Variants in RSRC1 observed in about 807,000 individuals in gnomAD.
RSRC1 encodes arginine and serine rich coiled-coil 1.
Under a neutral mutation model 49.1 loss-of-function variants are expected in RSRC1, and 39 were observed. The ratio of observed to expected loss-of-function variants is 0.79; its 90% confidence interval spans 0.61 to 1.04. The LOEUF (loss-of-function observed/expected upper bound fraction) is 1.04. Among genes scored for constraint, RSRC1 ranks in the 50% least tolerant of loss-of-function variants. The pLI is 0.00. For missense variants in RSRC1, 388 were observed against 402.4 expected, an observed-to-expected ratio of 0.96 and a Z score of 0.31; for synonymous variants, 143 against 130.8, an observed-to-expected ratio of 1.09 and a Z score of -0.63.
At chr3:158,540,578 TAA>T (rs34332147) in intron 8 of RSRC1, among the ~76,000 whole-genome samples, 7,877 of 146,310 alleles carry the variant, frequency 0.054, 294 homozygotes, top group Middle Eastern at 0.085. Context: ...ACACATGCCT[TAA>T]AAAAAAAAAG....
At chr3:158,378,849 A>G (rs549808169) in intron 6 of RSRC1, among the ~76,000 whole-genome samples, 8 of 152,312 alleles carry the variant, frequency 5.3e-5, no homozygotes, top group African/African-American at 1.9e-4. Context: ...CCTCAAAAGC[A>G]GTGAGGTACC....
intron 3 of RSRC1, among the ~76,000 whole-genome samples, chr3:158,148,200 C>A (rs1717276391): frequency 6.6e-6 from 1 of 152,100 alleles, no homozygotes; most frequent in South Asian, 2.1e-4. Flanking sequence ...TATCTGTCCC[C>A]TTTGTAGCTC....
intron 6 of RSRC1, among the ~76,000 whole-genome samples, chr3:158,456,079 C>G (rs1004912134): frequency 6.7e-6 from 1 of 148,176 alleles, no homozygotes; most frequent in African/African-American, 2.5e-5. Flanking sequence ...GGAAACATTC[C>G]TTGAACACCT....
intron 6 of RSRC1, among the ~76,000 whole-genome samples, chr3:158,430,007 A>G (rs1735690141): frequency 6.6e-6 from 1 of 151,688 alleles, no homozygotes; most frequent in African/African-American, 2.4e-5. Context: ...TGTAGCTTTA[A>G]AATTTTAAGA....
intron 6 of RSRC1, among the ~76,000 whole-genome samples, chr3:158,431,849 C>A (rs1735784836): frequency 6.6e-6 from 1 of 151,808 alleles, no homozygotes. Context: ...TGAAATATAT[C>A]TTAGATGACC....
intron 6 of RSRC1, among the ~76,000 whole-genome samples, chr3:158,432,030 G>C (rs76806715): frequency 0.014 from 2,162 of 152,060 alleles, 26 homozygotes; most frequent in Non-Finnish European, 0.023. Flanking sequence ...AAGAGTGCTG[G>C]TGAGTTGGCT....
At chr3:158,292,886 G>A (rs1445378687) in intron 4 of RSRC1, among the ~76,000 whole-genome samples, 1 of 152,172 alleles carries the variant, frequency 6.6e-6, no homozygotes, top group Non-Finnish European at 1.5e-5. Flanking sequence ...ATCTGAGATT[G>A]AGAAAAGTTG....
At chr3:158,154,064 C>G (rs1012966788) in intron 3 of RSRC1, among the ~76,000 whole-genome samples, 1 of 152,244 alleles carries the variant, frequency 6.6e-6, no homozygotes, top group African/African-American at 2.4e-5. Flanking sequence ...GTATCCACAC[C>G]ACCACAAGAA....
chr3:158,163,273 T>C (rs564559197), intron 3 of RSRC1, among the ~76,000 whole-genome samples: 42 of 152,192 alleles, frequency 2.8e-4, no homozygotes, highest in African/African-American at 1.0e-3. Context: ...CCCAAAATGC[T>C]GGCATTACTG....
At chr3:158,249,297 C>G (rs1222081039) in intron 4 of RSRC1, among the ~76,000 whole-genome samples, 1 of 152,194 alleles carries the variant, frequency 6.6e-6, no homozygotes, top group African/African-American at 2.4e-5. Context: ...CTCTCCCTCC[C>G]TCAGGCACCC....
At chr3:158,495,092 G>A (rs1189830918) in intron 7 of RSRC1, among the ~76,000 whole-genome samples, 1 of 152,146 alleles carries the variant, frequency 6.6e-6, no homozygotes, top group Non-Finnish European at 1.5e-5. Context: ...GTGCCACAAT[G>A]TTAGGGTAGC....
In RSRC1 at chr3:158,503,742, C is replaced by CG. The variant is rs1327093383; in HGVS notation, c.653-33350_653-33349insG. ...CTGGTCTGACTCCCACCGTGCCCCC[C>CG]CAACAGCCCTGAGTCTGTTTCCAGG... On this transcript the variant is annotated intron_variant, in intron 7 of 9. Coordinates refer to ENST00000611884, the MANE Select transcript of RSRC1 (RefSeq NM_001271838.2). Among the ~76,000 whole-genome samples the CG allele has an allele frequency of 2.0e-5, 3 of 151,978 alleles. 1 individual carries two copies. Among genetic ancestry groups the CG allele is most frequent in the African/African-American group, 4.8e-5 (2 of 41,330 alleles).
intron 3 of RSRC1, among the ~76,000 whole-genome samples, chr3:158,158,517 C>T (rs888067359): frequency 3.9e-5 from 6 of 152,150 alleles, no homozygotes; most frequent in African/African-American, 1.4e-4. Context: ...ATTTTTTTCT[C>T]TCTTGGAGTA....
intron 8 of RSRC1, 45 bp from the exon 9 acceptor site, chr3:158,543,290 C>CT (rs1713141000): frequency 2.1e-6 from 3 of 1,415,082 alleles, no homozygotes; most frequent in African/African-American, 2.9e-5. Context: ...AAGTAAAACT[C>CT]TAATTGTGTA....
At chr3:158,130,952 A>G (rs888491635) in intron 3 of RSRC1, among the ~76,000 whole-genome samples, 3 of 152,126 alleles carry the variant, frequency 2.0e-5, no homozygotes, top group Non-Finnish European at 4.4e-5. Context: ...TGAGTTTTAC[A>G]TCTTTTTAGA....
chr3:158,517,619 G>T (rs962128409), intron 7 of RSRC1, among the ~76,000 whole-genome samples: 6 of 149,978 alleles, frequency 4.0e-5, no homozygotes, highest in African/African-American at 1.5e-4. Flanking sequence ...TAGAGACAGG[G>T]TCTTGCTGTG....
At chr3:158,302,559 C>CT (rs567353016) in intron 5 of RSRC1, 43,720 of 108,156 alleles carry the variant, frequency 0.4, 9,020 homozygotes, top group East Asian at 0.65. Context: ...TTGCTCCTGA[C>CT]TTTTTTTTTT....
At chr3:158,354,998 AC>A in intron 6 of RSRC1, 90 bp downstream of exon 6, 2 of 707,056 alleles carry the variant, frequency 2.8e-6, no homozygotes, top group Non-Finnish European at 4.4e-6. Context: ...AAAAAAAAAA[AC>A]ACTATTTTTA....
chr3:158,294,247 C>G (rs1306760840), intron 4 of RSRC1, among the ~76,000 whole-genome samples: 2 of 151,936 alleles, frequency 1.3e-5, no homozygotes, highest in African/African-American at 2.4e-5. Flanking sequence ...GTTCTTCTAC[C>G]CAGTTTTCCA....
Sources: allele counts gnomAD v4.1 joint callset (sites outside exome capture counted in the v4.1 genomes callset), GRCh38; gene constraint gnomAD v4.1.1; transcripts MANE v1.5; gene names NCBI Gene and HGNC (gene_info 2026-07-23, HGNC 2026-07-21).